The following ESRRG variants were observed in gnomAD, a reference collection of about 807,000 sequenced individuals.
ESRRG encodes the protein estrogen-related receptor gamma.
Under a neutral mutation model 44.0 loss-of-function variants are expected in ESRRG, and 13 were observed. The observed-to-expected ratio is 0.30, with a 90% CI of 0.19 to 0.47. The LOEUF is 0.47. Ranked by LOEUF, ESRRG falls within the 20% of genes least tolerant of loss-of-function variation. The probability of loss-of-function intolerance (pLI) is 1.00; values close to 1 mark genes in which losing one functional copy is unlikely to be tolerated. For synonymous variants in ESRRG, 215 were observed against 214.6 expected, an observed-to-expected ratio of 1.00 and a Z score of -0.02; for missense variants, 395 against 580.6, an observed-to-expected ratio of 0.68 and a Z score of 3.29.
intron 2 of ESRRG, among the ~76,000 whole-genome samples, chr1:216,920,073 A>G (rs2149702740): frequency 6.6e-6 from 1 of 152,328 alleles, no homozygotes; most frequent in Middle Eastern, 3.4e-3. Flanking sequence ...TGTATAATAT[A>G]TCATTCATTC....
At chr1:217,074,203 G>A (rs1484511062) in intron 1 of ESRRG, among the ~76,000 whole-genome samples, 4 of 151,582 alleles carry the variant, frequency 2.6e-5, no homozygotes, top group South Asian at 2.1e-4. Context: ...GCCCACCACC[G>A]TGCCTGGCTA....
At chr1:216,825,918 G>C (rs2095384762) in intron 2 of ESRRG, among the ~76,000 whole-genome samples, 1 of 152,086 alleles carries the variant, frequency 6.6e-6, no homozygotes, top group African/African-American at 2.4e-5. Context: ...GTTCTTCAGT[G>C]GCAAAAACCT....
At chr1:217,042,076 A>C (rs906955758) in intron 1 of ESRRG, among the ~76,000 whole-genome samples, 2 of 151,878 alleles carry the variant, frequency 1.3e-5, no homozygotes, top group South Asian at 4.2e-4. Context: ...AGAACCCATC[A>C]CTCTAATAGG....
intron 4 of ESRRG, among the ~76,000 whole-genome samples, chr1:216,565,523 T>G (rs2059536831): frequency 6.6e-6 from 1 of 152,194 alleles, no homozygotes; most frequent in South Asian, 2.1e-4. Context: ...ATAAAAACAC[T>G]TCACATAACT....
chr1:216,575,782 C>T (rs1028695438), intron 3 of ESRRG, among the ~76,000 whole-genome samples: 1 of 151,988 alleles, frequency 6.6e-6, no homozygotes, highest in Admixed American at 6.6e-5. Context: ...AGCAGAAACA[C>T]AGGCAGATGA....
chr1:216,687,516 G>A (rs188061827), intron 1 of ESRRG, among the ~76,000 whole-genome samples: 34 of 152,004 alleles, frequency 2.2e-4, no homozygotes, highest in Admixed American at 3.3e-4. Context: ...TTGATATGTC[G>A]GAAGCCCAAA....
At position 217,001,969 on chromosome 1, in the gene ESRRG, A is replaced by T. The variant is rs1438321445; in HGVS notation, c.-105-62296T>A. On this transcript the variant is annotated intron_variant, in intron 1 of 7. Transcript: ENST00000359162. ...CTTCACAATCCCAGCTCAAATCTCC[A>T]ACTGCTAATAAGTTTGGCACCATTA... Among the ~76,000 whole-genome samples, 5 of 152,122 alleles carry T rather than the reference A, an allele frequency of 3.3e-5. No individual in the cohort carries two copies. The South Asian group carries it at 1.0e-3, about 32-fold the overall frequency.
At chr1:217,114,373 A>G (rs948657740) in intron 1 of ESRRG, among the ~76,000 whole-genome samples, 1 of 152,010 alleles carries the variant, frequency 6.6e-6, no homozygotes, top group Admixed American at 6.5e-5. Flanking sequence ...AAGATCTTGC[A>G]TTCTTGCTGC....
intron 1 of ESRRG, among the ~76,000 whole-genome samples, chr1:217,107,278 C>T (rs2092608942): frequency 6.6e-6 from 1 of 152,200 alleles, no homozygotes; most frequent in Non-Finnish European, 1.5e-5. Flanking sequence ...TTCTAATGTT[C>T]ACTAGATTCT....
At chr1:216,531,544 G>C (rs2049380091) in intron 5 of ESRRG, among the ~76,000 whole-genome samples, 1 of 151,996 alleles carries the variant, frequency 6.6e-6, no homozygotes, top group African/African-American at 2.4e-5. Flanking sequence ...ACTATCCCCA[G>C]TTTGGATGAC....
At chr1:216,706,164 C>T (rs913708289) in intron 1 of ESRRG, among the ~76,000 whole-genome samples, 17 of 151,574 alleles carry the variant, frequency 1.1e-4, no homozygotes, top group African/African-American at 3.9e-4. Context: ...CTATACATGA[C>T]GAAGAATGCA....
At chr1:217,072,994 AAAG>A (rs1461757734) in intron 1 of ESRRG, among the ~76,000 whole-genome samples, 1 of 151,880 alleles carries the variant, frequency 6.6e-6, no homozygotes, top group Non-Finnish European at 1.5e-5. Context: ...TGCCCTTGGG[AAAG>A]AAGATTGTAG....
At chr1:216,510,241 G>A (rs1416239734) in intron 6 of ESRRG, among the ~76,000 whole-genome samples, 2 of 152,152 alleles carry the variant, frequency 1.3e-5, no homozygotes, top group Non-Finnish European at 2.9e-5. Context: ...CTACTGCCAA[G>A]CCAGGATTAA....
intron 2 of ESRRG, among the ~76,000 whole-genome samples, chr1:216,658,919 TAAAGA>T (rs149329162): frequency 0.018 from 2,407 of 131,596 alleles, 78 homozygotes; most frequent in African/African-American, 0.068. Flanking sequence ...AGAAGAGAAA[TAAAGA>T]AAAGAAAAGA....
At chr1:217,029,712 TC>T (rs1371440976) in intron 1 of ESRRG, among the ~76,000 whole-genome samples, 2 of 152,104 alleles carry the variant, frequency 1.3e-5, no homozygotes, top group African/African-American at 2.4e-5. Flanking sequence ...AACAATCTAT[TC>T]TAGGGGATAT....
At chr1:216,633,633 GC>G (rs1421605840) in intron 3 of ESRRG, among the ~76,000 whole-genome samples, 8 of 152,098 alleles carry the variant, frequency 5.3e-5, no homozygotes, top group Non-Finnish European at 1.2e-4. Flanking sequence ...AAAATATTTA[GC>G]CCAGGTATGG....
intron 2 of ESRRG, among the ~76,000 whole-genome samples, chr1:216,743,182 A>G (rs1359624406): frequency 6.6e-6 from 1 of 152,138 alleles, no homozygotes; most frequent in Non-Finnish European, 1.5e-5. Flanking sequence ...CTAAGACAAT[A>G]TGACTTTTCA....
chr1:216,588,552 C>T (rs1355917433), intron 3 of ESRRG, among the ~76,000 whole-genome samples: 1 of 152,156 alleles, frequency 6.6e-6, no homozygotes, highest in African/African-American at 2.4e-5. Context: ...CCAAGCGATT[C>T]GTTAATGTTT....
intron 2 of ESRRG, among the ~76,000 whole-genome samples, chr1:216,799,047 G>C (rs2094546636): frequency 6.6e-6 from 1 of 151,978 alleles, no homozygotes; most frequent in East Asian, 1.9e-4. Context: ...AGCCCTAAAT[G>C]GTTAATTTTC....
Sources: allele counts gnomAD v4.1 joint callset (sites outside exome capture counted in the v4.1 genomes callset), GRCh38; gene constraint gnomAD v4.1.1; transcripts MANE v1.5; gene names NCBI Gene and HGNC (gene_info 2026-07-23, HGNC 2026-07-21).